The following ZNRF2 variants were observed in gnomAD, a reference collection of about 807,000 sequenced individuals.
ZNRF2 encodes the protein E3 ubiquitin-protein ligase ZNRF2.
In ZNRF2, 16 loss-of-function variants were observed where a neutral mutation model predicts 20.4. That is an observed-to-expected ratio of 0.79 (90% CI 0.53 to 1.19). The LOEUF (loss-of-function observed/expected upper bound fraction) is 1.19. ZNRF2 is among the 50% of genes most tolerant of loss of function. ZNRF2 has a pLI of 0.00. For missense variants in ZNRF2, 363 were observed against 332.4 expected, an observed-to-expected ratio of 1.09 and a Z score of -0.72; for synonymous variants, 178 against 144.9, an observed-to-expected ratio of 1.23 and a Z score of -1.64.
intron 1 of ZNRF2, among the ~76,000 whole-genome samples, chr7:30,314,900 T>C (rs1024282123): frequency 1.3e-5 from 2 of 151,874 alleles, no homozygotes; most frequent in Admixed American, 6.6e-5. Context: ...CACTGCAAGC[T>C]CTGCCTCCTG....
chr7:30,317,904 G>T (rs1347802652), intron 1 of ZNRF2, among the ~76,000 whole-genome samples: 2 of 152,212 alleles, frequency 1.3e-5, no homozygotes, highest in Non-Finnish European at 2.9e-5. Flanking sequence ...GTAGCAGATG[G>T]AGGTTACTTG....
At chr7:30,350,291 GTCA>G (rs974001615) in intron 2 of ZNRF2, among the ~76,000 whole-genome samples, 116 of 152,062 alleles carry the variant, frequency 7.6e-4, no homozygotes, top group African/African-American at 2.6e-3. Context: ...TTTTTAAAAA[GTCA>G]TCATCAAAAG....
At chr7:30,290,760 T>C (rs754801025) in intron 1 of ZNRF2, among the ~76,000 whole-genome samples, 21 of 152,360 alleles carry the variant, frequency 1.4e-4, no homozygotes, top group Non-Finnish European at 2.8e-4. Context: ...TATAGATAGA[T>C]TGACAGCTGA....
intron 1 of ZNRF2, among the ~76,000 whole-genome samples, chr7:30,307,942 A>G (rs933491382): frequency 5.3e-5 from 8 of 152,170 alleles, no homozygotes; most frequent in African/African-American, 1.7e-4. Context: ...AATGCAGAAA[A>G]TGGAAGAGTA....
chr7:30,315,027 A>G (rs932005893), intron 1 of ZNRF2, among the ~76,000 whole-genome samples: 2 of 152,096 alleles, frequency 1.3e-5, no homozygotes, highest in Admixed American at 6.6e-5. Flanking sequence ...CATGTTAGCC[A>G]GGATGGTCTC....
At chr7:30,290,962 T>G (rs1378203960) in intron 1 of ZNRF2, among the ~76,000 whole-genome samples, 1 of 152,240 alleles carries the variant, frequency 6.6e-6, no homozygotes, top group African/African-American at 2.4e-5. Context: ...GAGATGGATA[T>G]ATGTGATCAT....
intron 2 of ZNRF2, among the ~76,000 whole-genome samples, chr7:30,338,627 A>G (rs1799752894): frequency 6.6e-6 from 1 of 152,094 alleles, no homozygotes; most frequent in South Asian, 2.1e-4. Flanking sequence ...ATGGCTCCAT[A>G]GTATTCCATG....
intron 2 of ZNRF2, among the ~76,000 whole-genome samples, chr7:30,340,363 A>G (rs1039989888): frequency 1.3e-5 from 2 of 152,202 alleles, no homozygotes; most frequent in Non-Finnish European, 2.9e-5. Flanking sequence ...TTGCCAATTC[A>G]TTATGATATT....
At chr7:30,365,913 T>A (rs1210934758) in intron 4 of ZNRF2, 122 bp from the exon 5 acceptor site, 6 of 152,206 alleles carry the variant, frequency 3.9e-5, no homozygotes, top group Admixed American at 3.9e-4. Context: ...AATTGATCCT[T>A]CTGTTTCTTA....
intron 1 of ZNRF2, among the ~76,000 whole-genome samples, chr7:30,317,281 C>G (rs1006979269): frequency 6.6e-6 from 1 of 152,056 alleles, no homozygotes; most frequent in Admixed American, 6.5e-5. Flanking sequence ...TATGCAATTT[C>G]TGCCCCACAG....
intron 2 of ZNRF2, among the ~76,000 whole-genome samples, chr7:30,327,042 A>T (rs1799564104): frequency 6.6e-6 from 1 of 152,050 alleles, no homozygotes; most frequent in East Asian, 1.9e-4. Context: ...AACCTTTGTC[A>T]GATGCTTCGT....
chr7:30,301,012 C>A (rs1054961122), intron 1 of ZNRF2, among the ~76,000 whole-genome samples: 2 of 152,142 alleles, frequency 1.3e-5, no homozygotes, highest in Non-Finnish European at 2.9e-5. Flanking sequence ...ATAGTTGTTA[C>A]AACAATCAGA....
At chr7:30,291,969 C>T (rs1583563897) in intron 1 of ZNRF2, among the ~76,000 whole-genome samples, 1 of 151,932 alleles carries the variant, frequency 6.6e-6, no homozygotes, top group South Asian at 2.1e-4. Context: ...AAAATAATAC[C>T]TGTTCACTAG....
At chr7:30,292,185 T>C (rs1484419633) in intron 1 of ZNRF2, among the ~76,000 whole-genome samples, 3 of 152,224 alleles carry the variant, frequency 2.0e-5, no homozygotes. Flanking sequence ...CAAGAATTGC[T>C]TTACCTGAAT....
At chr7:30,292,737 A>G (rs1287171632) in intron 1 of ZNRF2, among the ~76,000 whole-genome samples, 1 of 152,160 alleles carries the variant, frequency 6.6e-6, no homozygotes, top group Non-Finnish European at 1.5e-5. Flanking sequence ...CAGTAACTAT[A>G]AAGGCCCTGA....
intron 1 of ZNRF2, among the ~76,000 whole-genome samples, chr7:30,294,592 G>C (rs1798977190): frequency 6.6e-6 from 1 of 152,096 alleles, no homozygotes; most frequent in Non-Finnish European, 1.5e-5. Flanking sequence ...AGACCAGCCT[G>C]GACAACATGG....
At chr7:30,315,630 A>G (rs1799357412) in intron 1 of ZNRF2, among the ~76,000 whole-genome samples, 1 of 149,796 alleles carries the variant, frequency 6.7e-6, no homozygotes, top group Admixed American at 6.8e-5. Flanking sequence ...TTTGGACAAC[A>G]CGGAGGGCAT....
chr7:30,365,254 A>G (rs1286521814), intron 4 of ZNRF2, among the ~76,000 whole-genome samples: 1 of 141,598 alleles, frequency 7.1e-6, no homozygotes, highest in Non-Finnish European at 1.5e-5. Flanking sequence ...AGCTTATGGG[A>G]TATGTGGAGC....
At chr7:30,303,976 C>G (rs1187455394) in intron 1 of ZNRF2, among the ~76,000 whole-genome samples, 2 of 152,178 alleles carry the variant, frequency 1.3e-5, no homozygotes, top group African/African-American at 2.4e-5. Context: ...TTTTCTGTCC[C>G]TTCCCCACCC....
Sources: gnomAD v4.1 joint callset for allele counts (sites outside exome capture counted in the v4.1 genomes callset) on GRCh38, gnomAD v4.1.1 for gene constraint, MANE v1.5 for transcripts, NCBI Gene and HGNC (gene_info 2026-07-23, HGNC 2026-07-21) for gene names.